PDE4D: variants seen among roughly 807,000 people sequenced by gnomAD.
PDE4D encodes phosphodiesterase 4D.
A neutral mutation model predicts 87.4 loss-of-function variants in PDE4D; 24 were observed. The ratio of observed to expected loss-of-function variants is 0.27; its 90% CI spans 0.20 to 0.39. The LOEUF is 0.39. Among genes scored for constraint, PDE4D ranks in the 10% least tolerant of loss-of-function variants. PDE4D has a pLI of 1.00. For synonymous variants in PDE4D, 384 were observed against 383.2 expected, an observed-to-expected ratio of 1.00 and a Z score of -0.02; for missense variants, 714 against 1,041.0, an observed-to-expected ratio of 0.69 and a Z score of 4.32.
intron 2 of PDE4D, among the ~76,000 whole-genome samples, chr5:60,002,927 G>C (rs1015354443): frequency 6.6e-6 from 1 of 152,036 alleles, no homozygotes; most frequent in East Asian, 1.9e-4. Flanking sequence ...CCTAGCCAGA[G>C]CAATTAGGCA....
chr5:59,359,824 C>T (rs982203147), intron 1 of PDE4D, among the ~76,000 whole-genome samples: 1 of 152,146 alleles, frequency 6.6e-6, no homozygotes, highest in Non-Finnish European at 1.5e-5. Flanking sequence ...GATGTTCCAT[C>T]CCTGAGACAA....
intron 2 of PDE4D, among the ~76,000 whole-genome samples, chr5:59,196,300 T>C (rs893866853): frequency 6.6e-6 from 1 of 152,168 alleles, no homozygotes; most frequent in African/African-American, 2.4e-5. Flanking sequence ...TGCACAGCCA[T>C]ACCTGGAATG....
intron 1 of PDE4D, among the ~76,000 whole-genome samples, chr5:60,517,640 C>G (rs142202506): frequency 5.3e-4 from 79 of 149,926 alleles, no homozygotes; most frequent in African/African-American, 1.9e-3. Context: ...AGGAGCTACC[C>G]ACTGTGGGTC....
chr5:59,855,389 GA>G (rs767472956), intron 1 of PDE4D, among the ~76,000 whole-genome samples: 5 of 152,076 alleles, frequency 3.3e-5, no homozygotes, highest in Non-Finnish European at 5.9e-5. Context: ...TAAGAAATCT[GA>G]AAGTCAAAAT....
intron 1 of PDE4D, among the ~76,000 whole-genome samples, chr5:59,863,410 C>A (rs1438100932): frequency 6.6e-6 from 1 of 151,848 alleles, no homozygotes; most frequent in Non-Finnish European, 1.5e-5. Flanking sequence ...ACTAAGACAA[C>A]ATTTTAGAAG....
chr5:60,232,227 T>C (rs895526119), intron 1 of PDE4D, among the ~76,000 whole-genome samples: 3 of 151,904 alleles, frequency 2.0e-5, no homozygotes, highest in African/African-American at 7.2e-5. Flanking sequence ...CACAATGAAA[T>C]ACTGTGGGAA....
chr5:59,251,983 C>G (rs1438260747), intron 1 of PDE4D, among the ~76,000 whole-genome samples: 3 of 151,988 alleles, frequency 2.0e-5, no homozygotes, highest in Non-Finnish European at 2.9e-5. Context: ...AGAACTCAGG[C>G]ACACAAAGAA....
At chr5:59,536,900 G>GGCC (rs1815376019) in intron 1 of PDE4D, among the ~76,000 whole-genome samples, 6 of 152,106 alleles carry the variant, frequency 3.9e-5, no homozygotes, top group Non-Finnish European at 8.8e-5. Flanking sequence ...ATATAATACT[G>GGCC]TTCCACATAG....
chr5:59,187,905 G>A (rs893053015), intron 3 of PDE4D, among the ~76,000 whole-genome samples: 1 of 151,892 alleles, frequency 6.6e-6, no homozygotes, highest in African/African-American at 2.4e-5. Context: ...AATCTTATAA[G>A]GGGGTGTTGT....
At chr5:59,308,316 A>G (rs1362576351) in intron 1 of PDE4D, among the ~76,000 whole-genome samples, 2 of 151,922 alleles carry the variant, frequency 1.3e-5, no homozygotes, top group Non-Finnish European at 2.9e-5. Flanking sequence ...CCTAAAACTT[A>G]AAGTATAATA....
chr5:60,356,607 A>T (rs1214193091), intron 1 of PDE4D, among the ~76,000 whole-genome samples: 3 of 152,084 alleles, frequency 2.0e-5, no homozygotes, highest in Admixed American at 6.6e-5. Context: ...CTTCTAATTT[A>T]TTTCTTTTGA....
At chr5:60,118,982 G>T (rs532448141) in intron 2 of PDE4D, among the ~76,000 whole-genome samples, 111 of 152,210 alleles carry the variant, frequency 7.3e-4, no homozygotes, top group East Asian at 2.9e-3. Context: ...GTCTGTGCAT[G>T]CTCTACTATC....
intron 1 of PDE4D, among the ~76,000 whole-genome samples, chr5:59,777,904 T>C (rs939202857): frequency 6.6e-6 from 1 of 152,108 alleles, no homozygotes; most frequent in Non-Finnish European, 1.5e-5. Context: ...ACTTTTTAGA[T>C]GAGACAAAAA....
At chr5:59,182,037 G>A (rs1269548259) in intron 4 of PDE4D, among the ~76,000 whole-genome samples, 1 of 152,014 alleles carries the variant, frequency 6.6e-6, no homozygotes, top group African/African-American at 2.4e-5. Flanking sequence ...TTGCTCCTAA[G>A]GTTATTGGTA....
At chr5:59,022,045 T>A (rs1454768803) in intron 6 of PDE4D, among the ~76,000 whole-genome samples, 1 of 152,130 alleles carries the variant, frequency 6.6e-6, no homozygotes, top group Non-Finnish European at 1.5e-5. Context: ...TGACGCCAAC[T>A]ATTAGTGCTA....
At chr5:59,371,042 TTTTTG>T (rs1218599840) in intron 1 of PDE4D, among the ~76,000 whole-genome samples, 1 of 152,142 alleles carries the variant, frequency 6.6e-6, no homozygotes, top group African/African-American at 2.4e-5. Flanking sequence ...ATCATGAGAC[TTTTTG>T]TTTTGTTTTT....
intron 2 of PDE4D, among the ~76,000 whole-genome samples, chr5:60,119,155 C>A (rs1037710677): frequency 6.6e-6 from 1 of 152,196 alleles, no homozygotes; most frequent in Non-Finnish European, 1.5e-5. Context: ...TTTCATCCAT[C>A]ATTTTAGCCT....
At chr5:59,595,515 C>T (rs1156405152) in intron 1 of PDE4D, among the ~76,000 whole-genome samples, 2 of 152,096 alleles carry the variant, frequency 1.3e-5, no homozygotes, top group African/African-American at 4.8e-5. Context: ...AAGAATATTT[C>T]ACCGACCTCT....
chr5:59,037,100 G>C (rs1034591311), intron 6 of PDE4D, among the ~76,000 whole-genome samples: 1 of 151,910 alleles, frequency 6.6e-6, no homozygotes, highest in East Asian at 1.9e-4. Flanking sequence ...AAATCTTAAC[G>C]TATAGATTAA....
Sources: allele counts gnomAD v4.1 joint callset (sites outside exome capture counted in the v4.1 genomes callset), GRCh38; gene constraint gnomAD v4.1.1; transcripts MANE v1.5; gene names NCBI Gene and HGNC (gene_info 2026-07-23, HGNC 2026-07-21).